Variants in GPR139 observed in about 807,000 individuals in gnomAD.
The protein encoded by GPR139 is probable G protein-coupled receptor 139.
A neutral mutation model predicts 25.8 loss-of-function variants in GPR139; 12 were observed. That is an observed-to-expected ratio of 0.47 (90% confidence interval 0.30 to 0.75). The LOEUF is 0.75. Ranked by LOEUF, GPR139 falls within the 30% of genes least tolerant of loss-of-function variation. GPR139 has a pLI of 0.07. For synonymous variants in GPR139, 184 were observed against 179.9 expected (o/e 1.02, Z -0.18); for missense variants, 380 against 450.2 (o/e 0.84, Z 1.41).
At chr16:20,072,039 T>G (rs549105986) in intron 1 of GPR139, among the ~76,000 whole-genome samples, 2 of 152,196 alleles carry the variant, frequency 1.3e-5, no homozygotes, top group East Asian at 3.9e-4. Flanking sequence ...AAAACAGTGC[T>G]CTGGGGAGAG....
rs1039656368 is a variant in GPR139 at position 20,030,429 on chromosome 16, T to C, written c.*1306A>G. ...ACACTAAATAAGACGAATATAATCA[T>C]GTGTGTGTGTGTGCTGCACACATAA... On this transcript the variant is annotated 3_prime_UTR_variant, in exon 2 of 2. Transcript: ENST00000570682. Among the ~76,000 whole-genome samples, 10 of 27,260 alleles carry C rather than the reference T, an allele frequency of 3.7e-4. No homozygotes were observed. Among genetic ancestry groups the C allele is most frequent in the African/African-American group, 8.1e-4 (10 of 12,420 alleles). 17.9% of individuals were successfully genotyped at this position (27,260 alleles called of 152,430 possible). A position where few individuals can be genotyped will look rare whatever the true frequency, so the allele number is the denominator to read the frequency against.
intron 1 of GPR139, among the ~76,000 whole-genome samples, chr16:20,041,060 A>T (rs574597444): frequency 2.9e-4 from 43 of 147,980 alleles, no homozygotes; most frequent in African/African-American, 1.1e-3. Flanking sequence ...CAGTGAGCTG[A>T]GCTGGTTCCA....
intron 1 of GPR139, among the ~76,000 whole-genome samples, chr16:20,052,573 G>C (rs939815054): frequency 6.6e-6 from 1 of 152,128 alleles, no homozygotes; most frequent in Non-Finnish European, 1.5e-5. Context: ...CGAGGTGGGC[G>C]GATCACGAGG....
intron 1 of GPR139, among the ~76,000 whole-genome samples, chr16:20,041,266 A>G (rs1216987770): frequency 8.9e-6 from 1 of 112,058 alleles, no homozygotes; most frequent in African/African-American, 3.3e-5. Flanking sequence ...GAGAAAAGAA[A>G]AGCATCTCTC....
At chr16:20,040,715 G>A (rs1172952405) in intron 1 of GPR139, among the ~76,000 whole-genome samples, 2 of 151,932 alleles carry the variant, frequency 1.3e-5, no homozygotes, top group South Asian at 2.1e-4. Context: ...CCTCCTAAAG[G>A]CAGCTAAGAG....
At chr16:20,035,240 T>C (rs139292459) in intron 1 of GPR139, among the ~76,000 whole-genome samples, 1 of 152,290 alleles carries the variant, frequency 6.6e-6, no homozygotes, top group East Asian at 1.9e-4. Flanking sequence ...AAGATACTGA[T>C]TATATTAATT....
At chr16:20,059,597 T>A (rs1393397376) in intron 1 of GPR139, among the ~76,000 whole-genome samples, 1 of 152,190 alleles carries the variant, frequency 6.6e-6, no homozygotes, top group Non-Finnish European at 1.5e-5. Context: ...CATGTCAGTA[T>A]CTGAAATGGT....
In GPR139 at chr16:20,073,597, T is replaced by C. The variant is rs2057468889; in HGVS notation, c.20A>G (p.His7Arg). Residue 7 changes from histidine to arginine, a missense_variant, in exon 1 of 2, where the codon CAC (histidine) becomes CGC (arginine). Coordinates refer to ENST00000570682, the MANE Select transcript of GPR139 (RefSeq NM_001002911.4). The surrounding 1 kb of genome is among the most constrained non-coding windows in gnomAD (Gnocchi z 4.7). ...AGACAGCGAGCTGTTGGCTGCGAGG[T>C]GGGCGTGCGTGTGCTCCATGAGCGC... is the stretch of plus-strand genomic sequence containing the variant. Reference protein sequence around the residue: MEHTHAHLAANSSLSWW... With the variant: MEHTHARLAANSSLSWW... 2 of 1,608,100 alleles carry C rather than the reference T, an allele frequency of 1.2e-6. No homozygotes were observed. The highest frequency in any genetic ancestry group is 4.5e-5 in the East Asian group (2 of 44,598).
intron 1 of GPR139, 126 bp from the exon 2 acceptor site, chr16:20,032,795 T>G: frequency 1.5e-6 from 1 of 647,092 alleles, no homozygotes; most frequent in Non-Finnish European, 2.7e-6. Flanking sequence ...TCAATGCTTT[T>G]GAGGGACAAC....
chr16:20,032,451 T>C lies in GPR139; in HGVS notation c.346A>G (p.Ile116Val), dbSNP rs770710839. 3 of 1,614,162 alleles carry C rather than the reference T, an allele frequency of 1.9e-6. No individual in the cohort carries two copies. The highest frequency in any genetic ancestry group is 2.5e-6 in the Non-Finnish European group (3 of 1,179,984). ...ATGGTTAACGGTACAGTAATCCATA[T>C]GGAGGTGTGGATGGATGAGAATTCC... ...VLEFSSIHTS[I>V]WITVPLTIDR... The change falls in exon 2 of 2, where the codon ATA becomes GTA. Residue 116 changes from isoleucine to valine, a missense_variant. By Grantham distance (29) the Ile-to-Val change is conservative. Coordinates refer to ENST00000570682, the MANE Select transcript of GPR139 (RefSeq NM_001002911.4).
chr16:20,029,624 GAA>G lies in GPR139; in HGVS notation c.*2109_*2110del, dbSNP rs2057280054. ...GTGCTTGGCAAAAAAGAGACAGAGA[GAA>G]ATGCAATTTAAGGGAGGTGAGGGAA... On this transcript the variant is annotated 3_prime_UTR_variant, in exon 2 of 2. Coordinates refer to ENST00000570682, the MANE Select transcript of GPR139 (RefSeq NM_001002911.4). Among the ~76,000 whole-genome samples, 1 of 152,006 alleles carries G rather than the reference GAA, an allele frequency of 6.6e-6. No homozygotes were observed. The highest frequency in any genetic ancestry group is 1.5e-5 in the Non-Finnish European group (1 of 68,020).
intron 1 of GPR139, among the ~76,000 whole-genome samples, chr16:20,055,807 A>C (rs2057386759): frequency 6.6e-6 from 1 of 152,254 alleles, no homozygotes. Context: ...AGATGGGAGC[A>C]TAGGCTCTAG....
At chr16:20,037,066 G>A (rs1879580445) in intron 1 of GPR139, among the ~76,000 whole-genome samples, 1 of 152,156 alleles carries the variant, frequency 6.6e-6, no homozygotes, top group Non-Finnish European at 1.5e-5. Flanking sequence ...AATGTCAGAT[G>A]TGATACTAGG....
chr16:20,060,469 G>A (rs373664629), intron 1 of GPR139, among the ~76,000 whole-genome samples: 6 of 151,980 alleles, frequency 3.9e-5, no homozygotes, highest in South Asian at 2.1e-4. Flanking sequence ...GTGTATGCAC[G>A]CCTGTGTGTG....
rs1555465698 is a variant in GPR139, at chr16:20,038,329, A to ATGTGTGTG, written c.128-5668_128-5661dup. On this transcript the variant is annotated intron_variant, in intron 1 of 1. Coordinates refer to ENST00000570682, the MANE Select transcript of GPR139 (RefSeq NM_001002911.4). The stretch of plus-strand genomic sequence containing the variant: ...GTTTAAGTTCCTGGATAATATATAT[A>ATGTGTGTG]TGTGTGTGTGTGTGTGTGTGTGTGT... Among the ~76,000 whole-genome samples, 588 of 95,926 alleles carry ATGTGTGTG rather than the reference A, an allele frequency of 6.1e-3. 3 individuals are homozygous for ATGTGTGTG. Among genetic ancestry groups the ATGTGTGTG allele is most frequent in the African/African-American group, 0.016 (483 of 30,676 alleles). 62.9% of individuals were successfully genotyped at this position (95,926 alleles called of 152,430 possible). A position where few individuals can be genotyped will look rare whatever the true frequency, so the allele number is the denominator to read the frequency against.
intron 1 of GPR139, among the ~76,000 whole-genome samples, chr16:20,041,358 G>A (rs1045017931): frequency 6.0e-5 from 9 of 151,186 alleles, no homozygotes; most frequent in African/African-American, 1.9e-4. Flanking sequence ...CAATTGCAGC[G>A]GTGTTATTTT....
rs564087912 is a variant in GPR139, at chr16:20,028,632, G to T, written c.*3103C>A. ...GATCTTTTCCAATAGCAGGGTGTTT[G>T]CAACACACAAGTTCGTGCCCACTCC... On this transcript the variant is annotated 3_prime_UTR_variant, in exon 2 of 2. Coordinates refer to ENST00000570682, the MANE Select transcript of GPR139 (RefSeq NM_001002911.4). 6.6e-6 allele frequency among the ~76,000 whole-genome samples: 1 copy of T among 152,208 alleles called. No individual in the cohort carries two copies. Among genetic ancestry groups the T allele is most frequent in the African/African-American group, 2.4e-5 (1 of 41,528 alleles).
At position 20,073,033 on chromosome 16, in the gene GPR139, G is replaced by A. The variant is rs1237477797; in HGVS notation, c.127+457C>T. On this transcript the variant is annotated intron_variant, in intron 1 of 1. Transcript: ENST00000570682. The surrounding 1 kb of genome is among the most constrained non-coding windows in gnomAD (Gnocchi z 4.7). ...TTCATCTCGTGTCAGGCGGGGACAC[G>A]CAGAGGGGCAGAGGTGCCCCAAGTG... 1.3e-5 allele frequency among the ~76,000 whole-genome samples: 2 copies of A among 152,166 alleles called. No individual in the cohort carries two copies. Among genetic ancestry groups the A allele is most frequent in the Admixed American group, 6.5e-5 (1 of 15,280 alleles).
chr16:20,073,620 C>G lies in GPR139; in HGVS notation c.-4G>C. ...GGTGGGCGTGCGTGTGCTCCATGAGCGCGCCCCTCGCTCCCCTTGCCGCTT... is the reference window on the plus strand; with the variant it reads ...GGTGGGCGTGCGTGTGCTCCATGAGGGCGCCCCTCGCTCCCCTTGCCGCTT... On this transcript the variant is annotated 5_prime_UTR_variant, in exon 1 of 2. Coordinates refer to ENST00000570682, the MANE Select transcript of GPR139 (RefSeq NM_001002911.4). The surrounding 1 kb of genome is among the most constrained non-coding windows in gnomAD (Gnocchi z 4.7). 1 of 1,591,064 alleles carries G rather than the reference C, an allele frequency of 6.3e-7. No homozygotes were observed. Among genetic ancestry groups the G allele is most frequent in the Non-Finnish European group, 8.6e-7 (1 of 1,168,922 alleles).
Sources: gnomAD v4.1 joint callset for allele counts (sites outside exome capture counted in the v4.1 genomes callset) on GRCh38, gnomAD v4.1.1 for gene constraint, Gnocchi (gnomAD v3.1) non-coding constraint, MANE v1.5 for transcripts, NCBI Gene and HGNC (gene_info 2026-07-23, HGNC 2026-07-21) for gene names.